Variants in FAM90A1 observed in about 807,000 individuals in gnomAD.
FAM90A1 encodes protein FAM90A1.
Under a neutral mutation model 14.8 loss-of-function variants are expected in FAM90A1, and 10 were observed. The observed-to-expected ratio is 0.67, with a 90% CI of 0.42 to 1.14. The LOEUF (loss-of-function observed/expected upper bound fraction) is 1.14, where lower values mean the gene tolerates loss of function less well. Ranked by LOEUF, FAM90A1 falls within the 50% of genes most tolerant of loss-of-function variation. FAM90A1 has a pLI of 0.00. For synonymous variants in FAM90A1, 236 were observed against 248.4 expected (o/e 0.95, Z 0.47); for missense variants, 567 against 602.8 (o/e 0.94, Z 0.62).
chr12:8,225,586 C>T (rs1948925832), intron 3 of FAM90A1, among the ~76,000 whole-genome samples: 2 of 152,146 alleles, frequency 1.3e-5, no homozygotes, highest in Non-Finnish European at 2.9e-5. Context: ...TTCCAAAGTC[C>T]TTTTTCCATT....
chr12:8,221,902 C>A lies in FAM90A1; in HGVS notation c.1315G>T (p.Val439Phe). The change falls in exon 7 of 7, where the codon GTT (valine) becomes TTT (phenylalanine). Residue 439 changes from valine to phenylalanine, a missense_variant. Val to Phe is a conservative substitution (Grantham distance 50, BLOSUM62 -1). Transcript: ENST00000538603. ...TAGAGGACGCTTGGTGGGACACGAA[C>A]ACAGGGACCCTCAGACTTCTCTGAG... Reference protein sequence around the residue: ...HVSEKSEGPCVRVPPSVLYED... With the variant: ...HVSEKSEGPCFRVPPSVLYED... 6.3e-7 allele frequency: 1 copy of A among 1,596,458 alleles called. No individual in the cohort carries two copies. Among genetic ancestry groups the A allele is most frequent in the Non-Finnish European group, 8.5e-7 (1 of 1,179,760 alleles).
In FAM90A1 at chr12:8,223,487, T is replaced by C; in HGVS notation, c.394A>G (p.Asn132Asp). The C allele has an allele frequency of 6.2e-7, 1 of 1,610,262 alleles. No individual in the cohort carries two copies. Residue 132 changes from asparagine to aspartate, a missense_variant, in exon 6 of 7, where the codon AAT (asparagine) becomes GAT (aspartate). Transcript: ENST00000538603. ...GAAGATTCCGTGGATCCTTTTTGAT[T>C]TGGCAGCGGCTTCTCTGGAGGTTTC... ...SRKPPEKPLP[N>D]QKGSTESSDY...
Position 8,221,884 on chromosome 12 carries a change from C to T in FAM90A1, c.1333G>A (p.Val445Ile), listed in dbSNP as rs1373189149. ...GGAACCTGAAGGTCCTCATAGAGGA[C>T]GCTTGGTGGGACACGAACACAGGGA... ...EGPCVRVPPS[V>I]LYEDLQVPSS... The change falls in exon 7 of 7, where the codon GTC (valine) becomes ATC (isoleucine). Residue 445 changes from valine to isoleucine, a missense_variant. Val to Ile is a conservative substitution (Grantham distance 29). Coordinates refer to ENST00000538603, the MANE Select transcript of FAM90A1 (RefSeq NM_018088.3). 6 of 1,596,444 alleles carry T rather than the reference C, an allele frequency of 3.8e-6. No individual in the cohort carries two copies. The highest frequency in any genetic ancestry group is 2.2e-5 in the East Asian group (1 of 44,870).
chr12:8,226,527 C>A (rs1474312991), intron 1 of FAM90A1, 49 bp from the exon 2 acceptor site: 1 of 162,528 alleles, frequency 6.2e-6, no homozygotes, highest in Non-Finnish European at 1.5e-5. Flanking sequence ...CCTTCAGTGC[C>A]TGGCTCCCTT....
intron 3 of FAM90A1, among the ~76,000 whole-genome samples, 195 bp downstream of exon 3, chr12:8,225,641 C>G (rs75272643): frequency 1.3e-5 from 2 of 151,980 alleles, no homozygotes; most frequent in African/African-American, 4.8e-5. Flanking sequence ...TTTCGCATTC[C>G]CACCTTGGTC....
In FAM90A1 at chr12:8,225,957, G is replaced by A. The variant is rs201048045; in HGVS notation, c.-178C>T. ...GAGGAAGGGGCAGAGAGGGACCTCT[G>A]CTTTCCAGGCTGCCTTTTATACTGC... On this transcript the variant is annotated 5_prime_UTR_variant, in exon 3 of 7. It introduces an in-frame stop codon into an upstream open reading frame of the 5' UTR. Transcript: ENST00000538603. 3 of 152,378 alleles carry A rather than the reference G, an allele frequency of 2.0e-5. No homozygotes were observed. In the South Asian group the frequency reaches 6.2e-4, roughly 32 times the overall value. The allele number at this position is 152,378 out of a possible 1,614,324, so 9.4% of individuals were successfully genotyped here. A position where few individuals can be genotyped will look rare whatever the true frequency, so the allele number is the denominator to read the frequency against.
Position 8,225,871 on chromosome 12 carries a change from C to T in FAM90A1, c.-92G>A, listed in dbSNP as rs1323357610. On this transcript the variant is annotated 5_prime_UTR_variant, in exon 3 of 7. Transcript: ENST00000538603. ...ACGTCTACTTTCTTTCCCCGGCTGG[C>T]GCTGAGATGGGCAGGTGCTGGAGCA... 3.3e-5 allele frequency: 5 copies of T among 152,158 alleles called. No individual in the cohort carries two copies. Among genetic ancestry groups the T allele is most frequent in the African/African-American group, 9.7e-5 (4 of 41,418 alleles). The allele number at this position is 152,158 out of a possible 1,614,324, so 9.4% of individuals were successfully genotyped here.
chr12:8,227,500 G>A lies in FAM90A1; in HGVS notation c.-441C>T, dbSNP rs1298294943. On this transcript the variant is annotated 5_prime_UTR_variant, in exon 1 of 7. Transcript: ENST00000538603. ...CTTACCCCGCCATGTTTTCAAGCCC[G>A]AGGCCAGCTGGCTGCAGGTGCAGGG... 8 of 764,778 alleles carry A rather than the reference G, an allele frequency of 1.0e-5. No individual in the cohort carries two copies. The East Asian group carries it at 2.3e-4, about 22-fold the overall frequency. The allele number at this position is 764,778 out of a possible 1,614,324, so 47.4% of individuals were successfully genotyped here.
rs746875423 is a variant in FAM90A1, at chr12:8,224,212, T to G, written c.127A>C (p.Lys43Gln). Residue 43 changes from lysine (K) to glutamine (Q), a missense_variant, in exon 5 of 7, where the codon AAG becomes CAG. Coordinates refer to ENST00000538603, the MANE Select transcript of FAM90A1 (RefSeq NM_018088.3). ...CCAAAGGCCTCACAGTTTTTGCACTTGAGCTGTGGGTGGAAAGGAAGTGAT... is the reference window on the plus strand; with the variant it reads ...CCAAAGGCCTCACAGTTTTTGCACTGGAGCTGTGGGTGGAAAGGAAGTGAT... The part of the protein sequence containing the change: ...PPPDEEDPRL[K>Q]CKNCEAFGHT... 1.9e-6 allele frequency: 3 copies of G among 1,611,586 alleles called. No homozygotes were observed. The highest frequency in any genetic ancestry group is 2.5e-6 in the Non-Finnish European group (3 of 1,179,526).
At position 8,224,289 on chromosome 12, in the gene FAM90A1, C is replaced by T. The variant is rs1204731182; in HGVS notation, c.124-74G>A. On this transcript the variant is annotated intron_variant, in intron 4 of 6. Coordinates refer to ENST00000538603, the MANE Select transcript of FAM90A1 (RefSeq NM_018088.3). ...CACCGATCCCACGTCAACATTGAGA[C>T]GGATTGTGAATTCAGAGCTGAATAA... The T allele has an allele frequency of 5.4e-5, 69 of 1,274,752 alleles. 1 individual carries two copies. The highest frequency in any genetic ancestry group is 1.9e-4 in the East Asian group (8 of 43,132). 79.0% of individuals were successfully genotyped at this position (1,274,752 alleles called of 1,614,324 possible). A position where few individuals can be genotyped will look rare whatever the true frequency, so the allele number is the denominator to read the frequency against.
chr12:8,226,203 CT>C (rs1411539134), intron 2 of FAM90A1, 68 bp downstream of exon 2: 2 of 152,278 alleles, frequency 1.3e-5, no homozygotes, highest in African/African-American at 4.8e-5. Context: ...GCCTGTACCC[CT>C]GTCTTCTTTT....
At chr12:8,224,645 G>A in intron 4 of FAM90A1, 65 bp downstream of exon 4, 1 of 1,050,444 alleles carries the variant, frequency 9.5e-7, no homozygotes, top group East Asian at 2.7e-5. Flanking sequence ...TGAGGACCGT[G>A]TGACACCCCG....
In FAM90A1 at chr12:8,222,062, G is replaced by A. The variant is rs1214633217; in HGVS notation, c.1155C>T (p.Ser385=). 1.9e-6 allele frequency: 3 copies of A among 1,606,332 alleles called. No homozygotes were observed. Among genetic ancestry groups the A allele is most frequent in the Non-Finnish European group, 8.5e-7 (1 of 1,179,974 alleles). Residue 385 remains serine (S), a synonymous_variant, in exon 7 of 7, where the codon AGC becomes AGT. Transcript: ENST00000538603. Reference sequence around the variant, plus strand: ...CTCTGAGAGGCTGGGCCCCATCATGGCTGGCCGCTGGGTGATGGGACATGG... The same window carrying A: ...CTCTGAGAGGCTGGGCCCCATCATGACTGGCCGCTGGGTGATGGGACATGG... ...ACTMSHHPAA[S]HDGAQPLRVL... is the part of the protein sequence containing the mutation.
intron 6 of FAM90A1, among the ~76,000 whole-genome samples, chr12:8,223,114 A>G (rs983214182): frequency 6.6e-6 from 1 of 152,238 alleles, no homozygotes; most frequent in African/African-American, 2.4e-5. Flanking sequence ...TGGTGGCTCA[A>G]GGGTACTCAG....
At chr12:8,224,993 G>A (rs1168314549) in intron 3 of FAM90A1, 105 bp from the exon 4 acceptor site, 11 of 805,578 alleles carry the variant, frequency 1.4e-5, no homozygotes, top group Non-Finnish European at 2.2e-5. Flanking sequence ...GTCATGAGGA[G>A]ACCTCACCAC....
At position 8,222,386 on chromosome 12, in the gene FAM90A1, G is replaced by T; in HGVS notation, c.831C>A (p.Ser277Arg). ...SQPCPPAATH[S>R]LGLGSNLSFG... is the part of the protein sequence containing the mutation. ...AGCTGAGATTGGAGCCTAGGCCCAAGCTGTGTGTGGCGGCTGGTGGGCAGG... is the reference window on the plus strand; with the variant it reads ...AGCTGAGATTGGAGCCTAGGCCCAATCTGTGTGTGGCGGCTGGTGGGCAGG... Residue 277 changes from serine (S) to arginine (R), a missense_variant, in exon 7 of 7, where the codon AGC (serine) becomes AGA (arginine). Transcript: ENST00000538603. The T allele has an allele frequency of 6.2e-7, 1 of 1,611,754 alleles. No individual in the cohort carries two copies. Among genetic ancestry groups the T allele is most frequent in the Non-Finnish European group, 8.5e-7 (1 of 1,179,814 alleles).
At chr12:8,225,561 G>T (rs1214297314) in intron 3 of FAM90A1, among the ~76,000 whole-genome samples, 3 of 151,886 alleles carry the variant, frequency 2.0e-5, no homozygotes, top group Admixed American at 6.5e-5. Flanking sequence ...CGGCTGAAGG[G>T]CAAACCACCC....
rs991367017 is a variant in FAM90A1, at chr12:8,221,438, C to T, written c.*384G>A. 39 of 368,592 alleles carry T rather than the reference C, an allele frequency of 1.1e-4. No individual in the cohort carries two copies. Among genetic ancestry groups the T allele is most frequent in the African/African-American group, 7.8e-4 (37 of 47,350 alleles). The allele number at this position is 368,592 out of a possible 1,614,324, so 22.8% of individuals were successfully genotyped here. A position where few individuals can be genotyped will look rare whatever the true frequency, so the allele number is the denominator to read the frequency against. On this transcript the variant is annotated 3_prime_UTR_variant, in exon 7 of 7. Transcript: ENST00000538603. ...GGCACAGCGGAAGGGCTGCACCTCTCAGGGTTCCCTAACTTTTCCCTTATT... is the reference window on the plus strand; with the variant it reads ...GGCACAGCGGAAGGGCTGCACCTCTTAGGGTTCCCTAACTTTTCCCTTATT...
At chr12:8,227,379 G>A (rs1948965763) in intron 1 of FAM90A1, 101 bp downstream of exon 1, 1 of 351,204 alleles carries the variant, frequency 2.8e-6, no homozygotes, top group Admixed American at 4.1e-5. Flanking sequence ...GTGATCTGGG[G>A]GCTGTGTCAG....
Sources: gnomAD v4.1 joint callset for allele counts (sites outside exome capture counted in the v4.1 genomes callset) on GRCh38, gnomAD v4.1.1 for gene constraint, MANE v1.5 for transcripts, NCBI Gene and HGNC (gene_info 2026-07-23, HGNC 2026-07-21) for gene names.